ZNF362: variants seen among roughly 807,000 people sequenced by gnomAD.
The protein encoded by ZNF362 is rotund homolog.
A neutral mutation model predicts 42.9 loss-of-function variants in ZNF362; 11 were observed. The observed-to-expected ratio is 0.26, with a 90% confidence interval of 0.16 to 0.42. The LOEUF (loss-of-function observed/expected upper bound fraction) is 0.42. ZNF362 is among the 20% of genes least tolerant of loss of function. ZNF362 has a pLI of 1.00. For missense variants in ZNF362, 362 were observed against 576.2 expected (o/e 0.63, Z 3.81); for synonymous variants, 255 against 257.3 (o/e 0.99, Z 0.09).
intron 8 of ZNF362, among the ~76,000 whole-genome samples, chr1:33,297,583 C>G (rs1646134378): frequency 7.2e-6 from 1 of 139,066 alleles, no homozygotes. Context: ...ACAGTCTCAG[C>G]TCACTGCAAC....
Position 33,281,476 on chromosome 1 carries a change from C to T in ZNF362, c.684-111C>T. ...CAGGTGGTCCTGTGCTTCTTGGGCT[C>T]ATCACAGGAAAGACCTGTCCCAGGT... On this transcript the variant is annotated intron_variant, in intron 5 of 8. Coordinates refer to ENST00000539719, the MANE Select transcript of ZNF362 (RefSeq NM_152493.3). This position sits in a 1 kb window ranked among gnomAD's most constrained non-coding sequence, Gnocchi z 4.8. The T allele has an allele frequency of 2.0e-6, 2 of 1,006,860 alleles. No homozygotes were observed. The highest frequency in any genetic ancestry group is 1.5e-6 in the Non-Finnish European group (1 of 664,540). The allele number at this position is 1,006,860 out of a possible 1,614,324, so 62.4% of individuals were successfully genotyped here.
chr1:33,191,332 C>T, the ZNF362 span, among the ~76,000 whole-genome samples: 1 of 152,156 alleles, frequency 6.6e-6, no homozygotes, highest in Non-Finnish European at 1.5e-5. Context: ...TGCAGAAGCT[C>T]AGGAGACTTC....
At chr1:33,208,502 A>G in the ZNF362 span, among the ~76,000 whole-genome samples, 6 of 152,138 alleles carry the variant, frequency 3.9e-5, no homozygotes, top group East Asian at 1.9e-4. Flanking sequence ...TAGCATTGAA[A>G]CTATAAATTA....
the ZNF362 span, among the ~76,000 whole-genome samples, chr1:33,223,417 G>T: frequency 2.6e-5 from 4 of 152,174 alleles, no homozygotes; most frequent in East Asian, 7.7e-4. Context: ...TTTGTAGATT[G>T]CCCAGTCTCA....
At chr1:33,248,921 A>G in the ZNF362 span, among the ~76,000 whole-genome samples, 1 of 152,202 alleles carries the variant, frequency 6.6e-6, no homozygotes, top group African/African-American at 2.4e-5. Context: ...ATAATGCTCA[A>G]ATATTTCAAC....
At chr1:33,256,036 G>T (rs1159086753), upstream of ZNF362, among the ~76,000 whole-genome samples, 1 of 151,620 alleles carries the variant, frequency 6.6e-6, no homozygotes, top group East Asian at 2.0e-4. Flanking sequence ...CCGCGCTGGG[G>T]AAGGGGCTGT....
chr1:33,224,697 C>T, the ZNF362 span, among the ~76,000 whole-genome samples: 1 of 151,772 alleles, frequency 6.6e-6, no homozygotes, highest in South Asian at 2.1e-4. Context: ...ATTGGAATCT[C>T]GAAGTGAAAG....
At chr1:33,138,412 A>G in the ZNF362 span, among the ~76,000 whole-genome samples, 2 of 152,160 alleles carry the variant, frequency 1.3e-5, no homozygotes, top group African/African-American at 4.8e-5. Flanking sequence ...CTGTAATCCC[A>G]ACACTTTAAG....
chr1:33,280,178 G>GCA lies in ZNF362; in HGVS notation c.405_406insAC (p.Ala136ThrfsTer75), dbSNP rs1645981423. 1 of 1,611,990 alleles carries GCA rather than the reference G, an allele frequency of 6.2e-7. No individual in the cohort carries two copies. Among genetic ancestry groups the GCA allele is most frequent in the African/African-American group, 1.3e-5 (1 of 74,844 alleles). On this transcript the variant is annotated frameshift_variant, in exon 5 of 9. Transcript: ENST00000539719. LOFTEE classifies it high-confidence loss of function. This position sits in a 1 kb window ranked among gnomAD's most constrained non-coding sequence, Gnocchi z 5.6. ...GTGAGCACTTCTGAGTCAAGCGCGGGCGCGGGCACGGGCACGGGTACCAGC... is the reference window on the plus strand; with the variant it reads ...GTGAGCACTTCTGAGTCAAGCGCGGGCACGCGGGCACGGGCACGGGTACCAGC...
the ZNF362 span, among the ~76,000 whole-genome samples, chr1:33,212,257 G>T: frequency 5.3e-5 from 8 of 152,226 alleles, no homozygotes; most frequent in African/African-American, 1.9e-4. Context: ...TATACAGCTT[G>T]CAGTACTGTG....
the ZNF362 span, among the ~76,000 whole-genome samples, chr1:33,218,997 C>T: frequency 7.0e-6 from 1 of 142,624 alleles, no homozygotes; most frequent in Non-Finnish European, 1.6e-5. Flanking sequence ...CACCCCCTGC[C>T]CCCCCGCAAG....
the ZNF362 span, among the ~76,000 whole-genome samples, chr1:33,230,680 T>G: frequency 6.6e-6 from 1 of 152,218 alleles, no homozygotes; most frequent in African/African-American, 2.4e-5. Context: ...CGGCTTGTGA[T>G]TGGTTATACA....
At position 33,297,239 on chromosome 1, in the gene ZNF362, C is replaced by G. The variant is rs546162714; in HGVS notation, c.1147-1691C>G. The stretch of plus-strand genomic sequence containing the variant: ...TCAGTCCCTGCCTCTCTCCAAGGCT[C>G]AAGTTTTCCATAACCTCCTACACCA... On this transcript the variant is annotated intron_variant, in intron 8 of 8. Transcript: ENST00000539719. Among the ~76,000 whole-genome samples the G allele has an allele frequency of 1.8e-4, 27 of 152,322 alleles. No homozygotes were observed. The South Asian group carries it at 3.3e-3, about 19-fold the overall frequency.
the ZNF362 span, among the ~76,000 whole-genome samples, chr1:33,136,289 CCTTTCTTTCTTTTT>C: frequency 4.7e-5 from 7 of 149,532 alleles, no homozygotes; most frequent in African/African-American, 1.2e-4. Context: ...CTCTTCCTTT[CCTTTCTTTCTTTTT>C]CTTTCTTTCT....
the ZNF362 span, among the ~76,000 whole-genome samples, chr1:33,144,334 C>A: frequency 6.6e-6 from 1 of 152,300 alleles, no homozygotes; most frequent in African/African-American, 2.4e-5. Flanking sequence ...GACGGGGTTT[C>A]TCCACGTTGG....
At chr1:33,174,945 G>GTGTATATATATATA in the ZNF362 span, among the ~76,000 whole-genome samples, 9 of 141,750 alleles carry the variant, frequency 6.3e-5, no homozygotes, top group African/African-American at 2.5e-4. Context: ...ATATATGTGT[G>GTGTATATATATATA]TATATATATA....
At chr1:33,161,697 G>A in the ZNF362 span, among the ~76,000 whole-genome samples, 1,234 of 152,244 alleles carry the variant, frequency 8.1e-3, 17 homozygotes, top group African/African-American at 0.028. The surrounding 1 kb of genome is among the most constrained non-coding windows in gnomAD (Gnocchi z 4.3). Context: ...TTGCTGATGG[G>A]GAAGATGGGG....
At chr1:33,135,204 C>T in the ZNF362 span, among the ~76,000 whole-genome samples, 44 of 152,290 alleles carry the variant, frequency 2.9e-4, no homozygotes, top group East Asian at 6.6e-3. Flanking sequence ...ACAGGAGAAT[C>T]ACTTGAACCT....
chr1:33,255,318 A>C (rs1645779400), upstream of ZNF362, among the ~76,000 whole-genome samples: 1 of 152,220 alleles, frequency 6.6e-6, no homozygotes, highest in Non-Finnish European at 1.5e-5. Context: ...GAATTTGGAA[A>C]TGCTTCCTGG....
Sources: gnomAD v4.1 joint callset for allele counts (sites outside exome capture counted in the v4.1 genomes callset) on GRCh38, gnomAD v4.1.1 for gene constraint, Gnocchi (gnomAD v3.1) non-coding constraint, MANE v1.5 for transcripts, NCBI Gene and HGNC (gene_info 2026-07-23, HGNC 2026-07-21) for gene names.